PKD2L1: variants seen among roughly 807,000 people sequenced by gnomAD.
The protein encoded by PKD2L1 is polycystin-2-like protein 1.
Under a neutral mutation model 93.0 loss-of-function variants are expected in PKD2L1, and 77 were observed. The ratio of observed to expected loss-of-function variants is 0.83; its 90% CI spans 0.69 to 1.00. The LOEUF (loss-of-function observed/expected upper bound fraction) is 1.00, where lower values mean the gene tolerates loss of function less well. PKD2L1 is among the 50% of genes least tolerant of loss of function. The pLI is 0.00. For synonymous variants in PKD2L1, 390 were observed against 388.0 expected (o/e 1.01, Z -0.06); for missense variants, 977 against 990.9 (o/e 0.99, Z 0.19).
chr10:100,294,460 G>A (rs1848473989), intron 9 of PKD2L1, 75 bp downstream of exon 9: 1 of 1,497,062 alleles, frequency 6.7e-7, no homozygotes, highest in Non-Finnish European at 9.3e-7. Flanking sequence ...TATCAATCCT[G>A]AGTGAGGGAC....
chr10:100,312,846 T>G (rs1292924841), intron 2 of PKD2L1, among the ~76,000 whole-genome samples: 2 of 151,718 alleles, frequency 1.3e-5, no homozygotes, highest in African/African-American at 4.8e-5. Flanking sequence ...AGTCTTCTTC[T>G]CTAGAGTCAT....
intron 9 of PKD2L1, among the ~76,000 whole-genome samples, chr10:100,293,711 G>A (rs140656200): frequency 6.6e-6 from 1 of 152,170 alleles, no homozygotes; most frequent in African/African-American, 2.4e-5. Context: ...GGCTTTTCAG[G>A]GTGAGAGTAC....
rs1404683034 is a variant in PKD2L1 at position 100,295,047 on chromosome 10, A to G, written c.1433T>C (p.Leu478Pro). 1.9e-6 allele frequency: 3 copies of G among 1,614,072 alleles called. No individual in the cohort carries two copies. Among genetic ancestry groups the G allele is most frequent in the Non-Finnish European group, 2.5e-6 (3 of 1,180,000 alleles). Residue 478 changes from leucine (L) to proline (P), a missense_variant, in exon 8 of 16, where the codon CTG becomes CCG. Leu to Pro is a moderately conservative substitution (Grantham distance 98). Transcript: ENST00000318222. ...AATGAAGAACATGACGGCGAAGCCCAGGATGTCCTTGGCACAGCGGGCCAG... is the reference window on the plus strand; with the variant it reads ...AATGAAGAACATGACGGCGAAGCCCGGGATGTCCTTGGCACAGCGGGCCAG... The part of the protein sequence containing the change: ...STLARCAKDI[L>P]GFAVMFFIVF...
chr10:100,298,759 C>G lies in PKD2L1; in HGVS notation c.534G>C (p.Gln178His), dbSNP rs149357658. Residue 178 changes from glutamine to histidine, a missense_variant, in exon 4 of 16, where the codon CAG becomes CAC. Coordinates refer to ENST00000318222, the MANE Select transcript of PKD2L1 (RefSeq NM_016112.3). ...SLYWTKWYNN[Q>H]SLGHGSHSFI... The stretch of plus-strand genomic sequence containing the variant: ...AGGAGTGGGAGCCATGGCCCAGGCT[C>G]TGGTTGTTGTACCATTTGGTCCAAT... 26 of 1,613,806 alleles carry G rather than the reference C, an allele frequency of 1.6e-5. No individual in the cohort carries two copies. Among genetic ancestry groups the G allele is most frequent in the Non-Finnish European group, 2.2e-5 (26 of 1,179,994 alleles).
At chr10:100,295,920 C>T (rs552666984) in intron 7 of PKD2L1, among the ~76,000 whole-genome samples, 17 of 151,196 alleles carry the variant, frequency 1.1e-4, no homozygotes, top group African/African-American at 4.1e-4. Context: ...CCTGTAGTCC[C>T]AGCTACTCAG....
chr10:100,325,931 C>T lies in PKD2L1; in HGVS notation c.349+3280G>A, dbSNP rs1282353321. On this transcript the variant is annotated intron_variant, in intron 2 of 15. Coordinates refer to ENST00000318222, the MANE Select transcript of PKD2L1 (RefSeq NM_016112.3). ...GTTAGCAAACTTGCTCAGGATCACACAGCTGATAATTGGGGAAGCGCCAGA... is the reference window on the plus strand; with the variant it reads ...GTTAGCAAACTTGCTCAGGATCACATAGCTGATAATTGGGGAAGCGCCAGA... Among the ~76,000 whole-genome samples the T allele has an allele frequency of 2.0e-5, 3 of 152,188 alleles. No homozygotes were observed. In the East Asian group the frequency reaches 5.8e-4, roughly 29 times the overall value.
At chr10:100,323,517 C>T (rs1849309999) in intron 2 of PKD2L1, among the ~76,000 whole-genome samples, 1 of 152,240 alleles carries the variant, frequency 6.6e-6, no homozygotes, top group East Asian at 1.9e-4. Context: ...GGTCCACCCG[C>T]CTCGGTCTGC....
chr10:100,290,363 T>C lies in PKD2L1; in HGVS notation c.2126+38A>G, dbSNP rs757336082. The C allele has an allele frequency of 4.2e-6, 6 of 1,418,222 alleles. No homozygotes were observed. In the South Asian group the frequency reaches 6.9e-5, roughly 16 times the overall value. 87.9% of individuals were successfully genotyped at this position (1,418,222 alleles called of 1,614,324 possible). On this transcript the variant is annotated intron_variant, in intron 13 of 15. Coordinates refer to ENST00000318222, the MANE Select transcript of PKD2L1 (RefSeq NM_016112.3). ...AAGACAGGGTATCGTAATAGAAGTGTTGCCAGCCCTGAACCAGCCTTTCTT... is the reference window on the plus strand; with the variant it reads ...AAGACAGGGTATCGTAATAGAAGTGCTGCCAGCCCTGAACCAGCCTTTCTT...
At chr10:100,310,194 T>A (rs774880849) in intron 2 of PKD2L1, among the ~76,000 whole-genome samples, 6 of 152,024 alleles carry the variant, frequency 3.9e-5, no homozygotes, top group Non-Finnish European at 4.4e-5. Context: ...ATTAGCTGGA[T>A]GTGGTGGCAC....
Position 100,294,561 on chromosome 10 carries a change from CAT to C in PKD2L1, c.1631_1632del (p.Tyr544CysfsTer18). The C allele has an allele frequency of 6.2e-7, 1 of 1,614,078 alleles. No individual in the cohort carries two copies. Among genetic ancestry groups the C allele is most frequent in the South Asian group, 1.1e-5 (1 of 91,072 alleles). On this transcript the variant is annotated frameshift_variant, in exon 9 of 16. Coordinates refer to ENST00000318222, the MANE Select transcript of PKD2L1 (RefSeq NM_016112.3). LOFTEE classifies it high-confidence loss of function. ...AGGAGCACGAAGAAGACGAAGAAGA[CAT>C]AGGTGACAAAGTAGGCAGGGCCCAG... The part of the protein sequence containing the change: ...RILGPAYFVT[Y>X]VFFVFFVLLN...
rs750122868 is a variant in PKD2L1 at position 100,329,857 on chromosome 10, C to T, written c.235+12G>A. ...TCTAATATCCCAGGAGAACTGTCCCCCTATCTGGTACCTCTGATGCCTTGA... is the reference window on the plus strand; with the variant it reads ...TCTAATATCCCAGGAGAACTGTCCCTCTATCTGGTACCTCTGATGCCTTGA... On this transcript the variant is annotated intron_variant, in intron 1 of 15. Coordinates refer to ENST00000318222, the MANE Select transcript of PKD2L1 (RefSeq NM_016112.3). 2 of 1,548,638 alleles carry T rather than the reference C, an allele frequency of 1.3e-6. No homozygotes were observed. The highest frequency in any genetic ancestry group is 2.3e-5 in the East Asian group (1 of 44,272).
In PKD2L1 at chr10:100,321,686, A is replaced by G. The variant is rs1348478265; in HGVS notation, c.349+7525T>C. ...AGAAAAGAAAGAAAGAAAGAAAGAA[A>G]GAAAGAAAGAAAGAAAGAAAGAAAG... On this transcript the variant is annotated intron_variant, in intron 2 of 15. Transcript: ENST00000318222. Among the ~76,000 whole-genome samples the G allele has an allele frequency of 2.4e-3, 3 of 1,252 alleles. No homozygotes were observed. In the East Asian group the frequency reaches 0.037, roughly 15 times the overall value. 0.8% of individuals were successfully genotyped at this position (1,252 alleles called of 152,430 possible). A position where few individuals can be genotyped will look rare whatever the true frequency, so the allele number is the denominator to read the frequency against.
At chr10:100,327,124 T>G (rs1452314700) in intron 2 of PKD2L1, among the ~76,000 whole-genome samples, 1 of 152,156 alleles carries the variant, frequency 6.6e-6, no homozygotes. Context: ...GTCCAACGTC[T>G]GGCTCAGAGG....
intron 2 of PKD2L1, among the ~76,000 whole-genome samples, chr10:100,318,162 C>G (rs559099998): frequency 1.3e-5 from 2 of 152,212 alleles, no homozygotes; most frequent in Admixed American, 1.3e-4. Context: ...TCTGGAGGTT[C>G]TGTCTGAACT....
At chr10:100,303,191 G>GGTT (rs757695287) in intron 2 of PKD2L1, among the ~76,000 whole-genome samples, 18 of 128,998 alleles carry the variant, frequency 1.4e-4, no homozygotes, top group Middle Eastern at 7.8e-3. Context: ...ACATCAAACT[G>GGTT]TTTTTTTGTT....
chr10:100,290,954 G>C (rs994422566), intron 12 of PKD2L1, among the ~76,000 whole-genome samples: 2 of 152,214 alleles, frequency 1.3e-5, no homozygotes, highest in African/African-American at 4.8e-5. Context: ...AATTATCAGT[G>C]ATTCTTGGGC....
intron 2 of PKD2L1, among the ~76,000 whole-genome samples, chr10:100,325,985 C>A (rs1849370928): frequency 6.6e-6 from 1 of 152,156 alleles, no homozygotes; most frequent in Non-Finnish European, 1.5e-5. Flanking sequence ...GACTTCAGAG[C>A]CTCACTGCTT....
chr10:100,293,247 G>A (rs1848445830), intron 10 of PKD2L1, 34 bp downstream of exon 10: 6 of 1,545,010 alleles, frequency 3.9e-6, no homozygotes, highest in South Asian at 3.3e-5. Context: ...GGGCACTGAT[G>A]GAAATGTGTA....
intron 2 of PKD2L1, among the ~76,000 whole-genome samples, chr10:100,305,893 C>T (rs1848788237): frequency 6.6e-6 from 1 of 152,088 alleles, no homozygotes; most frequent in Non-Finnish European, 1.5e-5. Flanking sequence ...TTTTAAAACA[C>T]AAATTGCTGG....
Sources: allele counts gnomAD v4.1 joint callset (sites outside exome capture counted in the v4.1 genomes callset), GRCh38; gene constraint gnomAD v4.1.1; transcripts MANE v1.5; gene names NCBI Gene and HGNC (gene_info 2026-07-23, HGNC 2026-07-21).